TRHDE: variants seen among roughly 807,000 people sequenced by gnomAD.
TRHDE encodes thyrotropin releasing hormone degrading enzyme.
In TRHDE, 72 loss-of-function variants were observed where a neutral mutation model predicts 125.7. The ratio of observed to expected loss-of-function variants is 0.57; its 90% CI spans 0.47 to 0.70. The LOEUF (loss-of-function observed/expected upper bound fraction) is 0.70. TRHDE is among the 30% of genes least tolerant of loss of function. The probability of loss-of-function intolerance (pLI) is 0.00; values close to 1 mark genes in which losing one functional copy is unlikely to be tolerated. For synonymous variants in TRHDE, 509 were observed against 509.1 expected (o/e 1.00, Z 0.00); for missense variants, 1,110 against 1,327.1 (o/e 0.84, Z 2.54).
chr12:72,220,125 A>G lies in TRHDE; in HGVS notation n.279+114373A>G, dbSNP rs148148311. ...TAGATCAGTTTAGGATGTGTGGTGG[A>G]GGGGAGAGTATGAAATGGGGCCAGA... is the stretch of plus-strand genomic sequence containing the variant. On this transcript the variant is annotated intron_variant and non_coding_transcript_variant, in intron 2 of 4. Coordinates refer to the TRHDE transcript ENST00000548156. Among the ~76,000 whole-genome samples, 253 of 152,220 alleles carry G rather than the reference A, an allele frequency of 1.7e-3. 2 individuals are homozygous for G. The highest frequency in any genetic ancestry group is 5.9e-3 in the African/African-American group (244 of 41,552).
chr12:72,633,154 T>A lies in TRHDE; in HGVS notation c.2675+11403T>A, dbSNP rs555068219. Among the ~76,000 whole-genome samples, 7 of 152,128 alleles carry A rather than the reference T, an allele frequency of 4.6e-5. 1 individual carries two copies. Among genetic ancestry groups the A allele is most frequent in the African/African-American group, 1.7e-4 (7 of 41,536 alleles). The stretch of plus-strand genomic sequence containing the variant: ...AGTGAGTGTCCCTTTCAAAGTACAT[T>A]TACCTTAATTTTAAAAGCCACTTGA... On this transcript the variant is annotated intron_variant, in intron 15 of 18. Transcript: ENST00000261180.
chr12:72,327,320 A>AG (rs1869385438), intron 2 of TRHDE, among the ~76,000 whole-genome samples: 1 of 152,118 alleles, frequency 6.6e-6, no homozygotes, highest in African/African-American at 2.4e-5. Flanking sequence ...GTGAGACTTG[A>AG]GGGTTGGGCA....
intron 3 of TRHDE, among the ~76,000 whole-genome samples, chr12:72,442,465 T>G (rs548668635): frequency 6.6e-6 from 1 of 151,960 alleles, no homozygotes; most frequent in African/African-American, 2.4e-5. Context: ...AAAGGCAGAT[T>G]GGCCAAATCC....
chr12:72,634,716 T>C (rs906206980), intron 15 of TRHDE, among the ~76,000 whole-genome samples: 1 of 146,422 alleles, frequency 6.8e-6, no homozygotes, highest in African/African-American at 2.5e-5. Context: ...GTGTTCTCAT[T>C]GTTCAATTCC....
chr12:72,254,200 C>G (rs1325031537), intron 2 of TRHDE: 6 of 152,040 alleles, frequency 3.9e-5, no homozygotes, highest in Non-Finnish European at 7.4e-5. Flanking sequence ...GACCTACAAC[C>G]TATTCATTCT....
chr12:72,258,864 G>T (rs1878881329), intron 2 of TRHDE, among the ~76,000 whole-genome samples: 1 of 152,068 alleles, frequency 6.6e-6, no homozygotes, highest in Admixed American at 6.6e-5. Flanking sequence ...TTATAACCAG[G>T]TTATAAATTT....
At chr12:72,567,530 C>T (rs10879446) in intron 9 of TRHDE, among the ~76,000 whole-genome samples, 40,414 of 151,692 alleles carry the variant, frequency 0.27, 8,113 homozygotes, top group African/African-American at 0.54. Context: ...ATAGGAAATG[C>T]CCTTCTCTCT....
rs879472544 is a variant in TRHDE, at chr12:72,131,856, C to T, written n.279+26104C>T. 4.5e-4 allele frequency among the ~76,000 whole-genome samples: 68 copies of T among 152,216 alleles called. 1 individual carries two copies. Among genetic ancestry groups the T allele is most frequent in the Non-Finnish European group, 3.5e-4 (24 of 68,014 alleles). ...GTTATTCCTGCTCATACATCATTAG[C>T]CAAGGCAAGGAGGGGAAGCATGTTC... On this transcript the variant is annotated intron_variant and non_coding_transcript_variant, in intron 2 of 4. Coordinates refer to the TRHDE transcript ENST00000548156.
At chr12:72,322,388 A>G (rs1421389731) in intron 2 of TRHDE, among the ~76,000 whole-genome samples, 2 of 152,094 alleles carry the variant, frequency 1.3e-5, no homozygotes, top group African/African-American at 4.8e-5. Context: ...TCTCTGTGCA[A>G]GAAGGCTGCC....
intron 3 of TRHDE, among the ~76,000 whole-genome samples, chr12:72,404,461 CA>C (rs1341455303): frequency 6.6e-6 from 1 of 151,828 alleles, no homozygotes; most frequent in South Asian, 2.1e-4. Flanking sequence ...CAAAACAAAA[CA>C]AAAAACAAAA....
At chr12:72,497,052 C>T (rs1234564000) in intron 5 of TRHDE, among the ~76,000 whole-genome samples, 1 of 151,906 alleles carries the variant, frequency 6.6e-6, no homozygotes, top group Non-Finnish European at 1.5e-5. Context: ...TCTTTGTTCC[C>T]CCTCTCTCTT....
chr12:72,175,934 A>C lies in TRHDE; in HGVS notation n.279+70182A>C, dbSNP rs1043992615. 3.4e-4 allele frequency among the ~76,000 whole-genome samples: 51 copies of C among 152,178 alleles called. 1 individual carries two copies. The highest frequency in any genetic ancestry group is 1.1e-3 in the African/African-American group (46 of 41,440). On this transcript the variant is annotated intron_variant and non_coding_transcript_variant, in intron 2 of 4. Coordinates refer to the TRHDE transcript ENST00000548156. ...ACGCTGAGATGGAGTTTAGCATATC[A>C]GTTGTTTTATAGGGGTTTATGCCTA...
At chr12:72,569,819 A>G (rs570887459) in intron 10 of TRHDE, among the ~76,000 whole-genome samples, 52 of 152,256 alleles carry the variant, frequency 3.4e-4, no homozygotes, top group African/African-American at 1.2e-3. Context: ...TTCCTTTTAA[A>G]TTGTTTATTA....
At chr12:72,374,098 G>C (rs1192808550) in intron 2 of TRHDE, among the ~76,000 whole-genome samples, 2 of 152,116 alleles carry the variant, frequency 1.3e-5, no homozygotes, top group Non-Finnish European at 2.9e-5. Context: ...TGGTAGTAGT[G>C]GGGTTGTGAG....
chr12:72,513,190 C>T (rs986089189), intron 6 of TRHDE, among the ~76,000 whole-genome samples: 1 of 152,058 alleles, frequency 6.6e-6, no homozygotes, highest in Non-Finnish European at 1.5e-5. Flanking sequence ...TAAATATTAT[C>T]TCAGTTCATT....
chr12:72,363,239 A>G (rs1372367140), intron 2 of TRHDE, among the ~76,000 whole-genome samples: 1 of 151,910 alleles, frequency 6.6e-6, no homozygotes, highest in East Asian at 1.9e-4. Context: ...TCCAATCAAT[A>G]GAAAAAGAGG....
At position 72,664,506 on chromosome 12, in the gene TRHDE, T is replaced by G. The variant is rs977781829; in HGVS notation, c.*1311T>G. 2 of 152,524 alleles carry G rather than the reference T, an allele frequency of 1.3e-5. No individual in the cohort carries two copies. The highest frequency in any genetic ancestry group is 4.8e-5 in the African/African-American group (2 of 41,448). The allele number at this position is 152,524 out of a possible 1,614,324, so 9.4% of individuals were successfully genotyped here. A position where few individuals can be genotyped will look rare whatever the true frequency, so the allele number is the denominator to read the frequency against. On this transcript the variant is annotated 3_prime_UTR_variant, in exon 19 of 19. Coordinates refer to ENST00000261180, the MANE Select transcript of TRHDE (RefSeq NM_013381.3). ...GACAACTGTGTTCTACCTGGGAATT[T>G]TGAATAGCCATTTTCATGGCTGTGT... is the stretch of plus-strand genomic sequence containing the variant.
chr12:72,564,312 G>A (rs1037238097), intron 9 of TRHDE, among the ~76,000 whole-genome samples: 1 of 152,084 alleles, frequency 6.6e-6, no homozygotes, highest in Non-Finnish European at 1.5e-5. Context: ...TCTGATGTCT[G>A]GCCCCAGGCA....
At chr12:72,297,131 G>A (rs1880331522) in intron 2 of TRHDE, among the ~76,000 whole-genome samples, 1 of 152,122 alleles carries the variant, frequency 6.6e-6, no homozygotes, top group Non-Finnish European at 1.5e-5. Flanking sequence ...TTGGGGAATT[G>A]ACAAGGCACA....
Sources: gnomAD v4.1 joint callset for allele counts (sites outside exome capture counted in the v4.1 genomes callset) on GRCh38, gnomAD v4.1.1 for gene constraint, MANE v1.5 for transcripts, NCBI Gene and HGNC (gene_info 2026-07-23, HGNC 2026-07-21) for gene names.